SRGAP3: variants seen among roughly 807,000 people sequenced by gnomAD.
SRGAP3 encodes SLIT-ROBO Rho GTPase-activating protein 3.
SRGAP3 carries 39 observed loss-of-function variants against 121.1 expected under a neutral mutation model. The ratio of observed to expected loss-of-function variants is 0.32; its 90% confidence interval spans 0.25 to 0.42. The LOEUF is 0.42. Among genes scored for constraint, SRGAP3 ranks in the 10% least tolerant of loss-of-function variants. SRGAP3 has a pLI of 1.00. For missense variants in SRGAP3, 1,213 were observed against 1,470.6 expected (o/e 0.82, Z 2.86); for synonymous variants, 601 against 570.0 (o/e 1.05, Z -0.77).
chr3:9,317,153 T>C (rs746983333), intron 3 of SRGAP3, among the ~76,000 whole-genome samples: 5 of 152,196 alleles, frequency 3.3e-5, no homozygotes, highest in Non-Finnish European at 7.3e-5. Context: ...GCACTCATTA[T>C]ATGTGAATAG....
intron 3 of SRGAP3, among the ~76,000 whole-genome samples, chr3:9,273,177 G>A (rs1954512087): frequency 6.6e-6 from 1 of 152,166 alleles, no homozygotes; most frequent in South Asian, 2.1e-4. Context: ...TCACAATAGG[G>A]TTTGCGCTCC....
chr3:9,017,494 T>C lies in SRGAP3; in HGVS notation c.1679-1763A>G, dbSNP rs188779808. Reference sequence around the variant, plus strand: ...CAGGGCTTTTGTTTATGTTATTGTTTAGTATTTTTATCTTCAAAATGTATC... The same window carrying C: ...CAGGGCTTTTGTTTATGTTATTGTTCAGTATTTTTATCTTCAAAATGTATC... On this transcript the variant is annotated intron_variant, in intron 14 of 21. Coordinates refer to ENST00000383836, the MANE Select transcript of SRGAP3 (RefSeq NM_014850.4). Among the ~76,000 whole-genome samples the C allele has an allele frequency of 2.4e-3, 368 of 152,328 alleles. 3 individuals are homozygous for C. The highest frequency in any genetic ancestry group is 8.4e-3 in the African/African-American group (349 of 41,586).
At chr3:9,056,183 A>C (rs1200932549) in intron 8 of SRGAP3, 50 bp downstream of exon 8, 1 of 1,586,750 alleles carries the variant, frequency 6.3e-7, no homozygotes, top group East Asian at 2.2e-5. Flanking sequence ...CCCTGGGACA[A>C]GCCAGGCCTT....
chr3:9,077,454 T>C (rs1267920508), intron 4 of SRGAP3, among the ~76,000 whole-genome samples: 1 of 152,134 alleles, frequency 6.6e-6, no homozygotes, highest in East Asian at 1.9e-4. Context: ...AGTTTCTGAG[T>C]AACTACTGAA....
intron 1 of SRGAP3, among the ~76,000 whole-genome samples, chr3:9,161,582 G>A (rs956962463): frequency 2.0e-5 from 3 of 152,226 alleles, no homozygotes; most frequent in Non-Finnish European, 4.4e-5. Flanking sequence ...CTCAATAAAT[G>A]CTGAATTGAG....
rs367975775 is a variant in SRGAP3 at position 9,005,358 on chromosome 3, AAC to A, written c.2227+4948_2227+4949del. 5.0e-3 allele frequency among the ~76,000 whole-genome samples: 762 copies of A among 152,340 alleles called. 8 individuals are homozygous for A. The highest frequency in any genetic ancestry group is 0.018 in the African/African-American group (740 of 41,564). ...GCAAAATGGTGCGGTCATTTTGGAA[AAC>A]AGTCTGGCAGTTCCTTAAATGACTG... On this transcript the variant is annotated intron_variant, in intron 18 of 21. Transcript: ENST00000383836.
At chr3:9,313,974 CAG>C (rs1175200093) in intron 3 of SRGAP3, among the ~76,000 whole-genome samples, 1 of 152,244 alleles carries the variant, frequency 6.6e-6, no homozygotes, top group Admixed American at 6.5e-5. Context: ...GGCTAGATGA[CAG>C]AGTGAGACTC....
chr3:9,118,868 C>T (rs569029080), intron 2 of SRGAP3, among the ~76,000 whole-genome samples: 15 of 152,330 alleles, frequency 9.8e-5, no homozygotes, highest in South Asian at 4.1e-4. Context: ...GGCACATGAG[C>T]GAGTGACACT....
At chr3:9,342,735 C>T (rs1003655905) in intron 1 of SRGAP3, among the ~76,000 whole-genome samples, 3 of 152,214 alleles carry the variant, frequency 2.0e-5, no homozygotes, top group African/African-American at 7.2e-5. Flanking sequence ...CTTTCCCTAC[C>T]TGAAAAACAG....
At position 9,360,787 on chromosome 3, in the gene SRGAP3, G is replaced by A. The variant is rs554084431; in HGVS notation, n.214+2053C>T. Among the ~76,000 whole-genome samples the A allele has an allele frequency of 8.0e-4, 122 of 152,002 alleles. 1 individual carries two copies. The highest frequency in any genetic ancestry group is 1.5e-3 in the Non-Finnish European group (104 of 67,998). On this transcript the variant is annotated intron_variant and non_coding_transcript_variant, in intron 1 of 3. Coordinates refer to the SRGAP3 transcript ENST00000490889. The stretch of plus-strand genomic sequence containing the variant: ...CCCATGATTCAATCATCTCCCACTG[G>A]GTCCCTCCCACAATATATGGGAATT...
intron 8 of SRGAP3, 66 bp from the exon 9 acceptor site, chr3:9,053,290 C>G: frequency 2.0e-6 from 3 of 1,493,578 alleles, no homozygotes; most frequent in Non-Finnish European, 2.8e-6. Context: ...CCTAAAGTCC[C>G]TTTCCCAGCT....
Position 9,289,497 on chromosome 3 carries a change from T to C in SRGAP3, n.442+36513A>G, listed in dbSNP as rs576799366. Among the ~76,000 whole-genome samples, 24 of 152,354 alleles carry C rather than the reference T, an allele frequency of 1.6e-4. No homozygotes were observed. In the South Asian group the frequency reaches 5.0e-3, roughly 32 times the overall value. ...CTGCTAGGCATCTTAAGAACACTAC[T>C]AGTCTAACATCACTTTGGTTGTGTG... On this transcript the variant is annotated intron_variant and non_coding_transcript_variant, in intron 3 of 3. Transcript: ENST00000490889.
intron 1 of SRGAP3, among the ~76,000 whole-genome samples, chr3:9,359,267 G>A (rs1371594567): frequency 6.6e-6 from 1 of 152,170 alleles, no homozygotes; most frequent in Non-Finnish European, 1.5e-5. Context: ...ATGAGACAAG[G>A]AGGGGAGCAA....
At chr3:9,165,762 T>C (rs2125087021) in intron 1 of SRGAP3, among the ~76,000 whole-genome samples, 1 of 152,290 alleles carries the variant, frequency 6.6e-6, no homozygotes, top group South Asian at 2.1e-4. Flanking sequence ...CACGGTTGCC[T>C]TGGTCTGCAG....
chr3:9,197,436 C>T (rs1574852524), intron 1 of SRGAP3, among the ~76,000 whole-genome samples: 1 of 152,314 alleles, frequency 6.6e-6, no homozygotes. Flanking sequence ...CTCCAGGTCT[C>T]GGTTTACCCA....
intron 1 of SRGAP3, among the ~76,000 whole-genome samples, chr3:9,231,504 A>C (rs1401039090): frequency 2.0e-5 from 3 of 152,224 alleles, no homozygotes; most frequent in African/African-American, 7.2e-5. Context: ...TTAAATAGAA[A>C]TGGAAGATAA....
chr3:9,014,583 C>T (rs1275945626), intron 15 of SRGAP3, among the ~76,000 whole-genome samples: 1 of 152,180 alleles, frequency 6.6e-6, no homozygotes, highest in Non-Finnish European at 1.5e-5. Context: ...GAAACACTGG[C>T]TGAGCAAGTG....
intron 7 of SRGAP3, 49 bp downstream of exon 7, chr3:9,058,202 G>A (rs1481837513): frequency 6.3e-7 from 1 of 1,589,156 alleles, no homozygotes; most frequent in Admixed American, 1.7e-5. Flanking sequence ...GAGCACATGG[G>A]GGAACAGAGG....
Position 9,058,704 on chromosome 3 carries a change from TTC to T in SRGAP3, c.802-234_802-233del, listed in dbSNP as rs60036837. 9,099 of 513,312 alleles carry T rather than the reference TTC, an allele frequency of 0.018. 1,074 individuals carry two copies. In the African/African-American group the frequency reaches 0.2, roughly 11 times the overall value. The allele number at this position is 513,312 out of a possible 1,614,324, so 31.8% of individuals were successfully genotyped here. A position where few individuals can be genotyped will look rare whatever the true frequency, so the allele number is the denominator to read the frequency against. ...ACTAGGTTCCCTATATTCACCATCT[TTC>T]TCTCTCTCTTTTTTTTTTTTTTTTT... On this transcript the variant is annotated intron_variant, in intron 6 of 21. Transcript: ENST00000383836.
Sources: allele counts gnomAD v4.1 joint callset (sites outside exome capture counted in the v4.1 genomes callset), GRCh38; gene constraint gnomAD v4.1.1; transcripts MANE v1.5; gene names NCBI Gene and HGNC (gene_info 2026-07-23, HGNC 2026-07-21).